Variants in DMD observed in about 807,000 individuals in gnomAD.
DMD encodes mutant dystrophin.
DMD carries 63 observed loss-of-function variants against 330.1 expected under a neutral mutation model. The observed-to-expected ratio is 0.19, with a 90% CI of 0.16 to 0.24. The LOEUF (loss-of-function observed/expected upper bound fraction) is 0.24. Among genes scored for constraint, DMD ranks in the 10% least tolerant of loss-of-function variants. The probability of loss-of-function intolerance (pLI) is 1.00; values close to 1 mark genes in which losing one functional copy is unlikely to be tolerated. For missense variants in DMD, 3,344 were observed against 2,684.1 expected, an observed-to-expected ratio of 1.25 and a Z score of -5.43; for synonymous variants, 1,223 against 959.8, an observed-to-expected ratio of 1.27 and a Z score of -5.07.
chrX:32,472,482 T>C (rs1425604286), intron 21 of DMD, among the ~76,000 whole-genome samples, 173 bp from the exon 22 acceptor site: 1 of 112,094 alleles, frequency 8.9e-6, no homozygotes, highest in Non-Finnish European at 1.9e-5. Flanking sequence ...GCTACATGTG[T>C]AATATGCCAG....
rs762778210 is a variant in DMD, at chrX:31,293,163, G to GGTGTGTGTGTGTGTGTGTGTGTGTGT, written c.9224+30409_9224+30434dup. Among the ~76,000 whole-genome samples, 645 of 70,500 alleles carry GGTGTGTGTGTGTGTGTGTGTGTGTGT rather than the reference G, an allele frequency of 9.1e-3. 25 individuals are homozygous for GGTGTGTGTGTGTGTGTGTGTGTGTGT. The highest frequency in any genetic ancestry group is 0.013 in the Non-Finnish European group (542 of 41,284). 61.2% of individuals were successfully genotyped at this position (70,500 alleles called of 115,157 possible). ...CTCTCTCTCACCACTCCCCCAACCC[G>GGTGTGTGTGTGTGTGTGTGTGTGTGT]GTGTGTGTGTGTGTGTGTGTGTGTG... On this transcript the variant is annotated intron_variant, in intron 62 of 78. Transcript: ENST00000357033.
intron 62 of DMD, among the ~76,000 whole-genome samples, chrX:31,287,497 C>T (rs1240773419): frequency 8.9e-6 from 1 of 112,527 alleles, no homozygotes; most frequent in Non-Finnish European, 1.9e-5. Flanking sequence ...GCACTTGGAA[C>T]AACTGCAGAT....
chrX:32,969,026 T>TC (rs1229521708), intron 2 of DMD, among the ~76,000 whole-genome samples: 2 of 12,832 alleles, frequency 1.6e-4, no homozygotes, highest in African/African-American at 7.8e-4. Context: ...AGATTCTGTC[T>TC]CAAAAAAAAA....
At chrX:32,812,560 G>A (rs1003240556) in intron 6 of DMD, among the ~76,000 whole-genome samples, 3 of 112,228 alleles carry the variant, frequency 2.7e-5, no homozygotes, top group African/African-American at 9.7e-5. Flanking sequence ...TTGAACCTGG[G>A]AAGTGGAGGT....
intron 12 of DMD, among the ~76,000 whole-genome samples, chrX:32,600,791 G>GA (rs1437560521): frequency 1.8e-5 from 2 of 110,677 alleles, no homozygotes; most frequent in Non-Finnish European, 3.8e-5. Context: ...AGACTAACGA[G>GA]AAAAAAATTG....
intron 47 of DMD, among the ~76,000 whole-genome samples, chrX:31,913,924 TA>T (rs977252266): frequency 1.8e-5 from 2 of 111,822 alleles, no homozygotes; most frequent in African/African-American, 6.5e-5. Flanking sequence ...AATAATTATC[TA>T]AAAACAACCA....
At chrX:31,122,018 TC>T in intron 78 of DMD, 88 bp from the exon 79 acceptor site, 1 of 728,754 alleles carries the variant, frequency 1.4e-6, no homozygotes, top group Non-Finnish European at 2.1e-6. Flanking sequence ...GGGAAATCAT[TC>T]CCCATTTCTG....
chrX:32,637,094 A>G (rs2059152894), intron 11 of DMD, among the ~76,000 whole-genome samples: 1 of 112,226 alleles, frequency 8.9e-6, no homozygotes, highest in African/African-American at 3.2e-5. Context: ...TAAAGAAAAT[A>G]AAGAAATTGG....
chrX:32,384,809 C>T lies in DMD; in HGVS notation c.4674+1501G>A, dbSNP rs148127668. On this transcript the variant is annotated intron_variant, in intron 33 of 78. Transcript: ENST00000357033. ...TGTTCTATTCACTAAAGTTGAGAAC[C>T]TGAGTTGTAAAAATATAACTTTTTA... 6.8e-3 allele frequency among the ~76,000 whole-genome samples: 754 copies of T among 110,863 alleles called. 10 individuals carry two copies. The highest frequency in any genetic ancestry group is 0.024 in the African/African-American group (734 of 30,745).
intron 49 of DMD, among the ~76,000 whole-genome samples, chrX:31,823,878 T>C (rs1457049899): frequency 1.8e-5 from 2 of 111,588 alleles, no homozygotes; most frequent in Non-Finnish European, 3.8e-5. Context: ...CCAGCCTTAT[T>C]AGGCTTTTAT....
chrX:33,306,994 A>T (rs184283356), intron 1 of DMD, among the ~76,000 whole-genome samples: 1 of 111,836 alleles, frequency 8.9e-6, no homozygotes, highest in East Asian at 2.8e-4. Flanking sequence ...GGAGTATTGG[A>T]CAAAATTCTT....
intron 60 of DMD, among the ~76,000 whole-genome samples, chrX:31,415,669 A>G (rs942379663): frequency 8.9e-6 from 1 of 111,951 alleles, no homozygotes; most frequent in African/African-American, 3.2e-5. Flanking sequence ...TCAATTATGG[A>G]TAAATTTTGT....
At chrX:31,313,056 A>G (rs1285777963) in intron 62 of DMD, among the ~76,000 whole-genome samples, 2 of 104,297 alleles carry the variant, frequency 1.9e-5, no homozygotes, top group Non-Finnish European at 3.9e-5. Flanking sequence ...CGTTCTGCAC[A>G]TGTATCTCGG....
At chrX:32,261,939 A>G (rs1301735624) in intron 43 of DMD, among the ~76,000 whole-genome samples, 1 of 111,968 alleles carries the variant, frequency 8.9e-6, no homozygotes, top group East Asian at 2.8e-4. Flanking sequence ...TATAAAATTT[A>G]AACATTGTGA....
rs956512002 is a variant in DMD at position 31,278,117 on chromosome X, A to T, written c.9225-17101T>A. On this transcript the variant is annotated intron_variant, in intron 62 of 78. Transcript: ENST00000357033. ...TACAAGCATGAATAGACAGAAAAAG[A>T]TTTACAGATATAGATGCGTGTGTGC... Among the ~76,000 whole-genome samples the T allele has an allele frequency of 3.6e-5, 4 of 111,231 alleles. No individual in the cohort carries two copies. The East Asian group carries it at 1.1e-3, about 31-fold the overall frequency.
intron 59 of DMD, among the ~76,000 whole-genome samples, chrX:31,465,749 C>T (rs7054488): frequency 0.095 from 10,607 of 111,222 alleles, 381 homozygotes; most frequent in East Asian, 0.2. Context: ...TCAAATGGTA[C>T]TTCTGGTTCT....
At chrX:33,268,908 A>C (rs1019845230) in intron 1 of DMD, among the ~76,000 whole-genome samples, 117 of 69,128 alleles carry the variant, frequency 1.7e-3, no homozygotes, top group African/African-American at 7.9e-3. Flanking sequence ...CCTGGGTGAC[A>C]AAAAAAAAAA....
At chrX:32,004,684 T>C (rs2095649309) in intron 44 of DMD, among the ~76,000 whole-genome samples, 1 of 111,586 alleles carries the variant, frequency 9.0e-6, no homozygotes, top group Non-Finnish European at 1.9e-5. Flanking sequence ...TGACAGAATA[T>C]GTTTTTGTTG....
intron 23 of DMD, among the ~76,000 whole-genome samples, chrX:32,465,582 G>GTTTTTTTTTTTTT (rs1191063866): frequency 1.4e-4 from 11 of 76,650 alleles, no homozygotes; most frequent in East Asian, 4.1e-4. Context: ...TTTGTTTTTT[G>GTTTTTTTTTTTTT]TTTTTTTTTT....
Sources: allele counts gnomAD v4.1 joint callset (sites outside exome capture counted in the v4.1 genomes callset), GRCh38; gene constraint gnomAD v4.1.1; transcripts MANE v1.5; gene names NCBI Gene and HGNC (gene_info 2026-07-23, HGNC 2026-07-21).